The following COL15A1 variants were observed in gnomAD, a reference collection of about 807,000 sequenced individuals.
COL15A1 encodes the protein collagen type XV alpha 1 chain, also known as collagen alpha-1(XV) chain.
In COL15A1, 111 loss-of-function variants were observed where a neutral mutation model predicts 165.9. That is an observed-to-expected ratio of 0.67 (90% CI 0.57 to 0.78). The LOEUF (loss-of-function observed/expected upper bound fraction) is 0.78, where lower values mean the gene tolerates loss of function less well. COL15A1 is among the 30% of genes least tolerant of loss of function. The probability of loss-of-function intolerance (pLI) is 0.00; values close to 1 mark genes in which losing one functional copy is unlikely to be tolerated. For synonymous variants in COL15A1, 659 were observed against 674.8 expected (o/e 0.98, Z 0.36); for missense variants, 1,745 against 1,789.7 (o/e 0.98, Z 0.45).
chr9:99,014,466 G>T (rs1027907890), intron 9 of COL15A1, among the ~76,000 whole-genome samples: 6 of 152,194 alleles, frequency 3.9e-5, no homozygotes, highest in Admixed American at 3.3e-4. Context: ...GGAGATCAGG[G>T]ATTCTCTGGA....
At chr9:98,987,417 C>A in intron 4 of COL15A1, 49 bp downstream of exon 4, 1 of 1,527,538 alleles carries the variant, frequency 6.5e-7, no homozygotes, top group South Asian at 1.2e-5. Context: ...CCAGCAGCCG[C>A]AGCCTGGGGA....
intron 16 of COL15A1, among the ~76,000 whole-genome samples, chr9:99,032,728 AC>A (rs1315196693): frequency 6.6e-6 from 1 of 151,368 alleles, no homozygotes; most frequent in Non-Finnish European, 1.5e-5. Context: ...AGGTCTTTTT[AC>A]CCTCTTGTGT....
intron 2 of COL15A1, among the ~76,000 whole-genome samples, chr9:98,975,685 G>A (rs1838130429): frequency 6.6e-6 from 1 of 152,156 alleles, no homozygotes; most frequent in Non-Finnish European, 1.5e-5. Flanking sequence ...TCCTCTCTGC[G>A]CCCTGAGGAG....
intron 2 of COL15A1, among the ~76,000 whole-genome samples, chr9:98,960,084 G>A (rs192984563): frequency 4.2e-4 from 64 of 152,314 alleles, no homozygotes; most frequent in African/African-American, 1.4e-3. Context: ...TGGACCAGCA[G>A]CATGGGCATC....
At chr9:98,997,200 G>T in intron 6 of COL15A1, 119 bp downstream of exon 6, 4 of 1,244,506 alleles carry the variant, frequency 3.2e-6, no homozygotes, top group Non-Finnish European at 4.5e-6. Context: ...AACCCTTTAA[G>T]AAAGGGTGAG....
At chr9:99,063,409 G>A (rs549827647) in intron 39 of COL15A1, among the ~76,000 whole-genome samples, 88 of 152,150 alleles carry the variant, frequency 5.8e-4, no homozygotes, top group Admixed American at 1.4e-3. Flanking sequence ...AGGGAAGATG[G>A]AATAGAGGGA....
chr9:99,020,394 A>G lies in COL15A1; in HGVS notation c.1653A>G (p.Gln551=), dbSNP rs751727439. ...ACCAAATCTTCTTCTTTTAGGCTCA[A>G]AGAGAACATGTGGGAATGAAAGGAC... is the stretch of plus-strand genomic sequence containing the variant. ...VAPERWITPA[Q]REHVGMKGQA... is the part of the protein sequence containing the mutation. Residue 551 remains glutamine, a synonymous_variant, in exon 12 of 42, where the codon CAA becomes CAG. Transcript: ENST00000375001. 2.5e-6 allele frequency: 4 copies of G among 1,613,246 alleles called. No homozygotes were observed. In the Admixed American group the frequency reaches 5.0e-5, roughly 20 times the overall value.
Position 99,067,060 on chromosome 9 carries a change from A to G in COL15A1, c.3830A>G (p.Asn1277Ser). 1 of 1,612,378 alleles carries G rather than the reference A, an allele frequency of 6.2e-7. No homozygotes were observed. Among genetic ancestry groups the G allele is most frequent in the Non-Finnish European group, 8.5e-7 (1 of 1,179,104 alleles). ...GAGAGATACAGCCTTCCCATAGTGA[A>G]CCTCAAGGTAAAAATAAATATGGTT... ...KAERYSLPIV[N>S]LKGQVLFNNW... The change falls in exon 40 of 42, where the codon AAC becomes AGC. Residue 1277 changes from asparagine to serine, a missense_variant. Asn to Ser is a conservative substitution (Grantham distance 46). Coordinates refer to ENST00000375001, the MANE Select transcript of COL15A1 (RefSeq NM_001855.5).
chr9:99,001,383 G>A (rs1838652204), intron 7 of COL15A1, among the ~76,000 whole-genome samples: 1 of 152,058 alleles, frequency 6.6e-6, no homozygotes, highest in Non-Finnish European at 1.5e-5. Flanking sequence ...GGCTCCCTAG[G>A]GTGCAAAATT....
chr9:98,986,402 A>G (rs1838314162), intron 3 of COL15A1: 1 of 331,712 alleles, frequency 3.0e-6, no homozygotes, highest in East Asian at 6.3e-5. Context: ...TTGTAGGTCA[A>G]ATAAGATAAT....
At chr9:98,986,706 G>A (rs1838319830) in intron 3 of COL15A1, among the ~76,000 whole-genome samples, 2 of 152,238 alleles carry the variant, frequency 1.3e-5, no homozygotes, top group African/African-American at 4.8e-5. Context: ...CGTATTTACT[G>A]ATGTCTCGTT....
At chr9:98,950,090 T>C (rs1837655353) in intron 2 of COL15A1, among the ~76,000 whole-genome samples, 1 of 152,262 alleles carries the variant, frequency 6.6e-6, no homozygotes, top group African/African-American at 2.4e-5. Context: ...CATTCATTTG[T>C]TGATGGACAT....
At chr9:98,951,305 A>C (rs887625753) in intron 2 of COL15A1, among the ~76,000 whole-genome samples, 46 of 152,350 alleles carry the variant, frequency 3.0e-4, no homozygotes, top group African/African-American at 1.1e-3. Context: ...CCCATCAAAG[A>C]ACAGAACTGG....
intron 26 of COL15A1, among the ~76,000 whole-genome samples, chr9:99,047,239 C>G (rs535578068): frequency 2.6e-4 from 39 of 152,344 alleles, no homozygotes; most frequent in African/African-American, 9.4e-4. Flanking sequence ...GAAATAGGGT[C>G]CATGGTCTGG....
chr9:99,048,866 A>G (rs1299662584), intron 28 of COL15A1, among the ~76,000 whole-genome samples: 1 of 152,034 alleles, frequency 6.6e-6, no homozygotes, highest in African/African-American at 2.4e-5. Flanking sequence ...CACCCACCCA[A>G]GGTGACCCAG....
rs770834528 is a variant in COL15A1 at position 99,038,703 on chromosome 9, C to A, written c.2445C>A (p.Phe815Leu). The A allele has an allele frequency of 3.7e-6, 6 of 1,611,386 alleles. No individual in the cohort carries two copies. Among genetic ancestry groups the A allele is most frequent in the Non-Finnish European group, 4.2e-6 (5 of 1,177,618 alleles). Residue 815 changes from phenylalanine to leucine, a missense_variant, in exon 22 of 42, where the codon TTC becomes TTA. Coordinates refer to ENST00000375001, the MANE Select transcript of COL15A1 (RefSeq NM_001855.5). ...ATATCACCCATGGATTCATGAATTT[C>A]TCGGACATTCCTGAGCTGGTGGGGC... ...LINITHGFMN[F>L]SDIPELVGPP...
chr9:99,069,744 G>T lies in COL15A1; in HGVS notation c.4025G>T (p.Trp1342Leu), dbSNP rs1015688601. 3 of 1,614,122 alleles carry T rather than the reference G, an allele frequency of 1.9e-6. No individual in the cohort carries two copies. In the African/African-American group the frequency reaches 4.0e-5, roughly 22 times the overall value. Residue 1342 changes from tryptophan to leucine, a missense_variant, in exon 42 of 42, where the codon TGG (tryptophan) becomes TTG (leucine). Physicochemically the swap from Trp to Leu is moderately conservative, Grantham distance 61 (BLOSUM62 -2). Transcript: ENST00000375001. ...VRLVDNYCEA[W>L]RTADTAVTGL... is the part of the protein sequence containing the mutation. ...CTTGTGGATAACTACTGTGAAGCAT[G>T]GCGAACCGCGGACACAGCGGTCACG... is the stretch of plus-strand genomic sequence containing the variant.
At position 98,989,242 on chromosome 9, in the gene COL15A1, C is replaced by T. The variant is rs558206116; in HGVS notation, c.788C>T (p.Thr263Ile). Residue 263 changes from threonine to isoleucine, a missense_variant, in exon 5 of 42, where the codon ACC (threonine) becomes ATC (isoleucine). Physicochemically the swap from Thr to Ile is moderately conservative, Grantham distance 89. Coordinates refer to ENST00000375001, the MANE Select transcript of COL15A1 (RefSeq NM_001855.5). The part of the protein sequence containing the change: ...DGVAEILEAV[T>I]YTQASPKEAK... ...GTAGCTGAGATCTTAGAAGCCGTCA[C>T]CTACACTCAAGCCTCGGTGAGTACT... 7.4e-6 allele frequency: 12 copies of T among 1,613,910 alleles called. No individual in the cohort carries two copies. The South Asian group carries it at 1.1e-4, about 15-fold the overall frequency.
intron 2 of COL15A1, among the ~76,000 whole-genome samples, chr9:98,960,400 T>A (rs1402407375): frequency 6.6e-6 from 1 of 151,970 alleles, no homozygotes; most frequent in Non-Finnish European, 1.5e-5. Flanking sequence ...GGAGACTCTG[T>A]TTCAAAAATA....
Sources: allele counts gnomAD v4.1 joint callset (sites outside exome capture counted in the v4.1 genomes callset), GRCh38; gene constraint gnomAD v4.1.1; transcripts MANE v1.5; gene names NCBI Gene and HGNC (gene_info 2026-07-23, HGNC 2026-07-21).